Variants in TMC7 observed in about 807,000 individuals in gnomAD.
The protein encoded by TMC7 is transmembrane channel like 7.
Under a neutral mutation model 82.9 loss-of-function variants are expected in TMC7, and 54 were observed. The ratio of observed to expected loss-of-function variants is 0.65; its 90% CI spans 0.52 to 0.82. The LOEUF is 0.82. Among genes scored for constraint, TMC7 ranks in the 40% least tolerant of loss-of-function variants. The pLI is 0.00. For missense variants in TMC7, 820 were observed against 901.2 expected (o/e 0.91, Z 1.15); for synonymous variants, 350 against 337.9 (o/e 1.04, Z -0.39).
intron 1 of TMC7, 24 bp downstream of exon 1, chr16:18,984,154 G>T: frequency 4.0e-6 from 6 of 1,487,790 alleles, no homozygotes; most frequent in Non-Finnish European, 5.3e-6. Flanking sequence ...GAGCGCGCGC[G>T]GGGACGGTGC....
At position 19,030,332 on chromosome 16, in the gene TMC7, G is replaced by A. The variant is rs757994336; in HGVS notation, c.820G>A (p.Ala274Thr). The A allele has an allele frequency of 2.3e-5, 37 of 1,613,128 alleles. No individual in the cohort carries two copies. The highest frequency in any genetic ancestry group is 3.3e-5 in the Admixed American group (2 of 59,874). ...CCTGGCGTATTTGTTAAGCACAATC[G>A]CCTCCCTGGCCCTGAGCCTTCTTTG... is the stretch of plus-strand genomic sequence containing the variant. ...LPLAYLLSTI[A>T]SLALSLLWIV... Residue 274 changes from alanine to threonine, a missense_variant, in exon 6 of 16, where the codon GCC (alanine) becomes ACC (threonine). By Grantham distance (58) the Ala-to-Thr change is moderately conservative. Around this residue, in one of 2 missense-constraint regions of TMC7, gnomAD observed 650 missense variants for 669.9 expected, o/e 0.97. Transcript: ENST00000304381.
Position 19,012,517 on chromosome 16 carries a change from G to A in TMC7, c.311+3102G>A, listed in dbSNP as rs547003947. ...GAAAGTGGCAAAGAAGGCTGGGTGCGGTGGCTCATGCCTGCAATCCCAGCA... is the reference window on the plus strand; with the variant it reads ...GAAAGTGGCAAAGAAGGCTGGGTGCAGTGGCTCATGCCTGCAATCCCAGCA... On this transcript the variant is annotated intron_variant, in intron 2 of 15. Transcript: ENST00000304381. 9.2e-5 allele frequency among the ~76,000 whole-genome samples: 14 copies of A among 151,990 alleles called. No individual in the cohort carries two copies. The South Asian group carries it at 2.5e-3, about 27-fold the overall frequency.
chr16:19,038,516 C>G (rs1298960698), intron 8 of TMC7, among the ~76,000 whole-genome samples: 1 of 150,248 alleles, frequency 6.7e-6, no homozygotes, highest in Non-Finnish European at 1.5e-5. Context: ...TTTAAGAGAA[C>G]TTTTTTGTTT....
intron 8 of TMC7, among the ~76,000 whole-genome samples, chr16:19,039,654 G>C (rs1019452388): frequency 1.3e-5 from 2 of 152,074 alleles, no homozygotes; most frequent in Admixed American, 1.3e-4. Context: ...TGAAAGCAGG[G>C]AATTGCTATT....
rs1470546818 is a variant in TMC7 at position 19,040,386 on chromosome 16, C to T, written c.1277C>T (p.Ala426Val). 6.2e-7 allele frequency: 1 copy of T among 1,613,742 alleles called. No individual in the cohort carries two copies. Among genetic ancestry groups the T allele is most frequent in the Admixed American group, 1.7e-5 (1 of 59,974 alleles). The change falls in exon 9 of 16, where the codon GCC (alanine) becomes GTC (valine). Residue 426 changes from alanine to valine, a missense_variant. Transcript: ENST00000304381. ...LANFITPMIFAKIIRYEDYSP... is the reference protein window; with the variant it reads ...LANFITPMIFVKIIRYEDYSP... Reference sequence around the variant, plus strand: ...AATTTTATCACCCCAATGATCTTTGCCAAGATCATCCGCTATGAGGATTAT... The same window carrying T: ...AATTTTATCACCCCAATGATCTTTGTCAAGATCATCCGCTATGAGGATTAT...
intron 6 of TMC7, chr16:19,033,496 A>T (rs114632927): frequency 2.2e-4 from 33 of 152,398 alleles, no homozygotes; most frequent in African/African-American, 7.9e-4. Context: ...AGCTCTGGGC[A>T]ACATGGCAAA....
chr16:19,025,435 A>G (rs1960176119), intron 5 of TMC7, among the ~76,000 whole-genome samples: 1 of 152,058 alleles, frequency 6.6e-6, no homozygotes, highest in South Asian at 2.1e-4. Flanking sequence ...CTTGGCCAAC[A>G]TGGTGAAACC....
At chr16:18,989,272 A>T (rs1433277802) in intron 1 of TMC7, among the ~76,000 whole-genome samples, 2 of 152,034 alleles carry the variant, frequency 1.3e-5, no homozygotes, top group African/African-American at 4.8e-5. Context: ...TGCACAGGCC[A>T]TTTGCAGGCT....
At chr16:19,026,584 A>T (rs4782194) in intron 5 of TMC7, among the ~76,000 whole-genome samples, 45,930 of 152,050 alleles carry the variant, frequency 0.3, 7,181 homozygotes, top group Non-Finnish European at 0.33. Flanking sequence ...TGAAAAAAAA[A>T]AGTTTCTTCG....
At chr16:19,040,970 AGT>A (rs1960986752) in intron 9 of TMC7, among the ~76,000 whole-genome samples, 1 of 149,550 alleles carries the variant, frequency 6.7e-6, no homozygotes, top group South Asian at 2.1e-4. Flanking sequence ...AATTCACTGC[AGT>A]CTCAAATCCC....
intron 1 of TMC7, among the ~76,000 whole-genome samples, chr16:18,998,011 C>T (rs1450630093): frequency 6.6e-6 from 1 of 152,044 alleles, no homozygotes; most frequent in Non-Finnish European, 1.5e-5. Flanking sequence ...GGATTACAGG[C>T]GTGAGCCACC....
intron 5 of TMC7, among the ~76,000 whole-genome samples, chr16:19,024,962 C>T (rs368320509): frequency 5.7e-4 from 86 of 151,946 alleles, no homozygotes; most frequent in East Asian, 1.4e-3. Context: ...GCCGAGATTG[C>T]ACCACTGCAC....
chr16:18,985,461 G>A lies in TMC7; in HGVS notation c.67+1331G>A, dbSNP rs569010999. Among the ~76,000 whole-genome samples the A allele has an allele frequency of 2.3e-3, 347 of 152,206 alleles. 1 individual carries two copies. The highest frequency in any genetic ancestry group is 7.9e-3 in the African/African-American group (329 of 41,546). ...TACTGCTTATGTCAGCTGAATTTCAGCCTTTCAATAACAGCTAGTCAAGTA... is the reference window on the plus strand; with the variant it reads ...TACTGCTTATGTCAGCTGAATTTCAACCTTTCAATAACAGCTAGTCAAGTA... On this transcript the variant is annotated intron_variant, in intron 1 of 15. Transcript: ENST00000304381.
chr16:19,039,838 G>A (rs757600701), intron 8 of TMC7, among the ~76,000 whole-genome samples: 6 of 151,884 alleles, frequency 4.0e-5, no homozygotes, highest in South Asian at 2.1e-4. Context: ...GATGGCGGCC[G>A]GGCGAGGTGG....
intron 12 of TMC7, chr16:19,049,626 C>T (rs8062000): frequency 0.95 from 940,645 of 985,148 alleles, 451,423 homozygotes; most frequent in Non-Finnish European, 0.98. Context: ...CTGATTAGCC[C>T]GTGGCTTCGC....
intron 6 of TMC7, among the ~76,000 whole-genome samples, chr16:19,034,849 A>G (rs1349543083): frequency 2.0e-5 from 3 of 152,076 alleles, no homozygotes; most frequent in Admixed American, 1.3e-4. Flanking sequence ...AAGGAGAGAA[A>G]GCAAGTATAG....
intron 9 of TMC7, among the ~76,000 whole-genome samples, chr16:19,041,657 C>G: frequency 6.6e-6 from 1 of 152,188 alleles, no homozygotes; most frequent in East Asian, 1.9e-4. Context: ...CAGGCGTGAG[C>G]CACCGTGCCC....
intron 8 of TMC7, among the ~76,000 whole-genome samples, chr16:19,039,092 C>CTTT (rs376747652): frequency 1.1e-4 from 15 of 130,444 alleles, no homozygotes; most frequent in East Asian, 2.2e-4. Flanking sequence ...TTTCTTTTTT[C>CTTT]TTTTTTTTTT....
rs758282532 is a variant in TMC7 at position 19,051,748 on chromosome 16, C to A, written c.1803C>A (p.Phe601Leu). The A allele has an allele frequency of 3.1e-6, 5 of 1,614,088 alleles. No homozygotes were observed. The highest frequency in any genetic ancestry group is 4.2e-6 in the Non-Finnish European group (5 of 1,180,006). Residue 601 changes from phenylalanine (F) to leucine (L), a missense_variant, in exon 13 of 16, where the codon TTC (phenylalanine) becomes TTA (leucine). Transcript: ENST00000304381. ...PRPFRASNSNFFFLLVLLIGL... is the reference protein window; with the variant it reads ...PRPFRASNSNLFFLLVLLIGL... ...CGTTCAGAGCATCCAATTCTAATTT[C>A]TTCTTCCTGTTGGTGTTGTTGATCG...
Sources: gnomAD v4.1 joint callset for allele counts (sites outside exome capture counted in the v4.1 genomes callset) on GRCh38, gnomAD v4.1.1 for gene constraint, gnomAD v4.1.1 regional missense constraint, MANE v1.5 for transcripts, NCBI Gene and HGNC (gene_info 2026-07-23, HGNC 2026-07-21) for gene names.